Variants in CAPN5 observed in about 807,000 individuals in gnomAD.
CAPN5 encodes the protein calpain 5.
In CAPN5, 54 loss-of-function variants were observed where a neutral mutation model predicts 73.0. That is an observed-to-expected ratio of 0.74 (90% CI 0.59 to 0.93). The LOEUF (loss-of-function observed/expected upper bound fraction) is 0.93. Among genes scored for constraint, CAPN5 ranks in the 40% least tolerant of loss-of-function variants. CAPN5 has a pLI of 0.00. For synonymous variants in CAPN5, 335 were observed against 356.9 expected, an observed-to-expected ratio of 0.94 and a Z score of 0.69; for missense variants, 785 against 882.9, an observed-to-expected ratio of 0.89 and a Z score of 1.41.
Position 77,124,221 on chromosome 11 carries a change from C to T in CAPN5, c.*351C>T. 4.2e-6 allele frequency: 1 copy of T among 239,828 alleles called. No individual in the cohort carries two copies. Among genetic ancestry groups the T allele is most frequent in the Non-Finnish European group, 8.1e-6 (1 of 123,092 alleles). The allele number at this position is 239,828 out of a possible 1,614,324, so 14.9% of individuals were successfully genotyped here. ...CTTGTTTACACACGAACTGCCACAT[C>T]CCCAAGCTCCGTTCTTGCCCCTCGT... is the stretch of plus-strand genomic sequence containing the variant. On this transcript the variant is annotated 3_prime_UTR_variant, in exon 13 of 13. Coordinates refer to ENST00000648180, the MANE Select transcript of CAPN5 (RefSeq NM_004055.5).
intron 2 of CAPN5, among the ~76,000 whole-genome samples, chr11:77,092,743 G>A (rs1014607144): frequency 1.3e-5 from 2 of 152,256 alleles, no homozygotes; most frequent in East Asian, 1.9e-4. Flanking sequence ...TTGGGAGGCC[G>A]AGGCCAGCAG....
chr11:77,093,580 GCAAGTCTGTGTCTGT>G (rs1950174563), intron 2 of CAPN5, 87 bp from the exon 3 acceptor site: 1 of 1,447,580 alleles, frequency 6.9e-7, no homozygotes, highest in Non-Finnish European at 9.2e-7. Context: ...TGATCACACA[GCAAGTCTGTGTCTGT>G]CACGTCTGTG....
chr11:77,075,541 C>A (rs1555033782), intron 1 of CAPN5, among the ~76,000 whole-genome samples: 1 of 152,198 alleles, frequency 6.6e-6, no homozygotes, highest in African/African-American at 2.4e-5. Context: ...ACTCCGCCTC[C>A]CTTCCCTTTA....
chr11:77,118,216 A>ACAC lies in CAPN5; in HGVS notation c.1032_1034dup (p.Thr345dup). Reference sequence around the variant, plus strand: ...GACATCATCAAGTGCCGCGTGATCAACACATCCCACCTGAGCATCCACAAG... The same window carrying ACAC: ...GACATCATCAAGTGCCGCGTGATCAACACCACATCCCACCTGAGCATCCACAAG... On this transcript the variant is annotated inframe_insertion, in exon 8 of 13. Coordinates refer to ENST00000648180, the MANE Select transcript of CAPN5 (RefSeq NM_004055.5). 6.2e-7 allele frequency: 1 copy of ACAC among 1,614,134 alleles called. No individual in the cohort carries two copies. The highest frequency in any genetic ancestry group is 8.5e-7 in the Non-Finnish European group (1 of 1,180,016).
chr11:77,118,211 G>C lies in CAPN5; in HGVS notation c.1026G>C (p.Val342=). 6.2e-7 allele frequency: 1 copy of C among 1,614,170 alleles called. No individual in the cohort carries two copies. The change falls in exon 8 of 13, where the codon GTG becomes GTC. Residue 342 remains valine, a synonymous_variant. Coordinates refer to ENST00000648180, the MANE Select transcript of CAPN5 (RefSeq NM_004055.5). ...TCACGGACATCATCAAGTGCCGCGT[G>C]ATCAACACATCCCACCTGAGCATCC... The part of the protein sequence containing the change: ...RYFTDIIKCR[V]INTSHLSIHK...
Position 77,114,385 on chromosome 11 carries a change from G to A in CAPN5, c.650G>A (p.Arg217His), listed in dbSNP as rs202032027. The change falls in exon 5 of 13, where the codon CGC (arginine) becomes CAC (histidine). Residue 217 changes from arginine (R) to histidine (H), a missense_variant. Physicochemically the swap from Arg to His is conservative, Grantham distance 29 (BLOSUM62 0). Transcript: ENST00000648180. ...ACTAAGAGGAACCAGCTCTTTGAGCGCATGTTAAAGGTGCACAGCCGGGGC... is the reference window on the plus strand; with the variant it reads ...ACTAAGAGGAACCAGCTCTTTGAGCACATGTTAAAGGTGCACAGCCGGGGC... ...DETKRNQLFE[R>H]MLKVHSRGGL... 1.3e-4 allele frequency: 215 copies of A among 1,614,098 alleles called. No homozygotes were observed. Among genetic ancestry groups the A allele is most frequent in the Non-Finnish European group, 1.7e-4 (200 of 1,180,058 alleles).
intron 3 of CAPN5, among the ~76,000 whole-genome samples, chr11:77,108,152 G>A (rs1486022596): frequency 6.6e-6 from 1 of 152,222 alleles, no homozygotes; most frequent in Non-Finnish European, 1.5e-5. Context: ...CAGTGTGGGG[G>A]ATTTTCCTCC....
intron 3 of CAPN5, among the ~76,000 whole-genome samples, chr11:77,106,093 G>T (rs916946669): frequency 2.0e-5 from 3 of 152,150 alleles, no homozygotes; most frequent in Admixed American, 6.5e-5. Flanking sequence ...TGCCTTGGGG[G>T]TCTCACCAGT....
intron 1 of CAPN5, among the ~76,000 whole-genome samples, chr11:77,074,917 C>A (rs1389212814): frequency 6.6e-6 from 1 of 152,202 alleles, no homozygotes; most frequent in Non-Finnish European, 1.5e-5. Flanking sequence ...CTCTCTCCCA[C>A]TCGGCCCTGG....
intron 1 of CAPN5, among the ~76,000 whole-genome samples, chr11:77,072,588 C>G (rs1235264302): frequency 2.0e-5 from 3 of 152,162 alleles, no homozygotes; most frequent in Admixed American, 1.3e-4. Context: ...GGGACAGGTT[C>G]GTGCCTCTGC....
At chr11:77,083,016 C>T (rs574175829) in intron 1 of CAPN5, among the ~76,000 whole-genome samples, 12 of 152,306 alleles carry the variant, frequency 7.9e-5, no homozygotes, top group African/African-American at 1.7e-4. Context: ...GCCTGAAGCC[C>T]GGAAGCTGGC....
chr11:77,103,141 A>C, intron 3 of CAPN5: 1 of 1,613,716 alleles, frequency 6.2e-7, no homozygotes, highest in Non-Finnish European at 8.5e-7. Context: ...CAGCTGCTGG[A>C]CCCCACTGCC....
chr11:77,072,455 C>A (rs181705886), intron 1 of CAPN5, among the ~76,000 whole-genome samples: 54 of 152,292 alleles, frequency 3.5e-4, no homozygotes, highest in Admixed American at 7.8e-4. Flanking sequence ...CTTGGTCAGG[C>A]ACAGGGAAGG....
At chr11:77,116,431 C>A in intron 7 of CAPN5, 128 bp downstream of exon 7, 1 of 733,370 alleles carries the variant, frequency 1.4e-6, no homozygotes, top group Non-Finnish European at 2.4e-6. Flanking sequence ...GCTGTGTGGC[C>A]TTGGACAAGT....
Position 77,125,939 on chromosome 11 carries a change from T to C in CAPN5, c.*2069T>C, listed in dbSNP as rs1950571973. On this transcript the variant is annotated 3_prime_UTR_variant, in exon 13 of 13. Transcript: ENST00000648180. ...GGGATCTCTGGTCCCCAGGAGACCT[T>C]GGGGGCCAGGCAGGTAAGGATCAGG... 1 of 152,308 alleles carries C rather than the reference T, an allele frequency of 6.6e-6. No individual in the cohort carries two copies. The highest frequency in any genetic ancestry group is 1.5e-5 in the Non-Finnish European group (1 of 68,018). 9.4% of individuals were successfully genotyped at this position (152,308 alleles called of 1,614,324 possible). A position where few individuals can be genotyped will look rare whatever the true frequency, so the allele number is the denominator to read the frequency against.
chr11:77,094,717 C>T (rs1950189853), intron 3 of CAPN5, among the ~76,000 whole-genome samples: 2 of 152,334 alleles, frequency 1.3e-5, no homozygotes, highest in South Asian at 2.1e-4. Flanking sequence ...CCTCAGGTTA[C>T]TCATCAGCAA....
At chr11:77,100,130 C>A (rs1157602328) in intron 3 of CAPN5, among the ~76,000 whole-genome samples, 3 of 152,218 alleles carry the variant, frequency 2.0e-5, no homozygotes, top group Non-Finnish European at 2.9e-5. Flanking sequence ...AGCCACTGTG[C>A]CCAGCCTTGT....
In CAPN5 at chr11:77,103,486, G is replaced by T. The variant is rs374772734; in HGVS notation, c.298-9103G>T. Among the ~76,000 whole-genome samples the T allele has an allele frequency of 3.9e-5, 6 of 152,196 alleles. No homozygotes were observed. The East Asian group carries it at 1.2e-3, about 29-fold the overall frequency. On this transcript the variant is annotated intron_variant, in intron 3 of 12. Transcript: ENST00000648180. ...CTGAGTCCCACACCTTTCCTCCTCT[G>T]CTTCTCCCTGGGGCCAGCACTCCAG...
intron 1 of CAPN5, among the ~76,000 whole-genome samples, chr11:77,069,241 G>A (rs574925697): frequency 1.3e-5 from 2 of 152,254 alleles, no homozygotes; most frequent in Admixed American, 6.5e-5. Flanking sequence ...ACAGGGACTC[G>A]GGGGATGATG....
Sources: gnomAD v4.1 joint callset for allele counts (sites outside exome capture counted in the v4.1 genomes callset) on GRCh38, gnomAD v4.1.1 for gene constraint, MANE v1.5 for transcripts, NCBI Gene and HGNC (gene_info 2026-07-23, HGNC 2026-07-21) for gene names.